DTL: variants seen among roughly 807,000 people sequenced by gnomAD.
The protein encoded by DTL is denticleless E3 ubiquitin protein ligase adapter.
In DTL, 46 loss-of-function variants were observed where a neutral mutation model predicts 87.0. That is an observed-to-expected ratio of 0.53 (90% CI 0.42 to 0.68). The LOEUF is 0.68. Ranked by LOEUF, DTL falls within the 30% of genes least tolerant of loss-of-function variation. The pLI is 0.00. For missense variants in DTL, 737 were observed against 869.4 expected (o/e 0.85, Z 1.91); for synonymous variants, 308 against 311.2 (o/e 0.99, Z 0.11).
chr1:212,081,620 T>A (rs1424038450), intron 13 of DTL, among the ~76,000 whole-genome samples: 1 of 152,224 alleles, frequency 6.6e-6, no homozygotes, highest in Non-Finnish European at 1.5e-5. Context: ...GTGATGATGG[T>A]GACTTAGACC....
chr1:212,103,585 T>A lies in DTL; in HGVS notation c.*645T>A, dbSNP rs1370068483. ...ATAAATGTCAACTCTTCGGAGAAAC[T>A]AGGAGAACAACAACAGAAAGCTGTG... On this transcript the variant is annotated 3_prime_UTR_variant, in exon 15 of 15. Coordinates refer to ENST00000366991, the MANE Select transcript of DTL (RefSeq NM_016448.4). 1 of 152,194 alleles carries A rather than the reference T, an allele frequency of 6.6e-6. No homozygotes were observed. Among genetic ancestry groups the A allele is most frequent in the Non-Finnish European group, 1.5e-5 (1 of 68,032 alleles). 9.4% of individuals were successfully genotyped at this position (152,194 alleles called of 1,614,324 possible).
chr1:212,064,439 G>A (rs1654433293), intron 6 of DTL, among the ~76,000 whole-genome samples: 1 of 152,160 alleles, frequency 6.6e-6, no homozygotes, highest in Non-Finnish European at 1.5e-5. Flanking sequence ...TGTGGATATT[G>A]ACAAATGTGT....
intron 5 of DTL, among the ~76,000 whole-genome samples, chr1:212,057,029 T>G (rs1231067766): frequency 2.0e-5 from 3 of 152,146 alleles, no homozygotes; most frequent in African/African-American, 7.2e-5. Flanking sequence ...TATATGAATT[T>G]TCAGTGTCCC....
At chr1:212,077,053 G>T (rs947993937) in intron 11 of DTL, among the ~76,000 whole-genome samples, 2 of 151,932 alleles carry the variant, frequency 1.3e-5, no homozygotes, top group South Asian at 4.1e-4. Flanking sequence ...ATAATCTGGG[G>T]GAATCTATTA....
intron 5 of DTL, among the ~76,000 whole-genome samples, chr1:212,050,708 G>T (rs553083019): frequency 1.8e-5 from 2 of 108,800 alleles, no homozygotes; most frequent in East Asian, 4.7e-4. Flanking sequence ...TCTATTGGCT[G>T]TTTCTCCTTA....
At chr1:212,099,678 C>T (rs1655556163) in intron 13 of DTL, 1 of 152,576 alleles carries the variant, frequency 6.6e-6, no homozygotes, top group South Asian at 2.1e-4. Flanking sequence ...TTCGGGAGCC[C>T]TCTCACACTT....
intron 1 of DTL, among the ~76,000 whole-genome samples, chr1:212,041,159 A>AGG (rs1237513672): frequency 6.6e-6 from 1 of 152,200 alleles, no homozygotes; most frequent in African/African-American, 2.4e-5. Flanking sequence ...AAAGTAGCTT[A>AGG]GGGTGGTTCA....
chr1:212,049,601 C>G lies in DTL; in HGVS notation c.460+2184C>G, dbSNP rs563574837. On this transcript the variant is annotated intron_variant, in intron 5 of 14. Coordinates refer to ENST00000366991, the MANE Select transcript of DTL (RefSeq NM_016448.4). ...TGATTTTCAGTAGTTCATAGGTACT[C>G]TAGTGTAAATTAGTCTGATCGGATA... Among the ~76,000 whole-genome samples the G allele has an allele frequency of 5.9e-5, 9 of 152,254 alleles. 1 individual carries two copies. The South Asian group carries it at 1.7e-3, about 28-fold the overall frequency.
chr1:212,074,653 T>TA (rs949549458), intron 11 of DTL, among the ~76,000 whole-genome samples: 1 of 152,044 alleles, frequency 6.6e-6, no homozygotes, highest in African/African-American at 2.4e-5. Context: ...TTTCCATGAT[T>TA]AAAAAAAGGA....
intron 5 of DTL, among the ~76,000 whole-genome samples, chr1:212,056,531 A>T (rs1343331651): frequency 6.6e-6 from 1 of 152,220 alleles, no homozygotes; most frequent in Non-Finnish European, 1.5e-5. Flanking sequence ...AATTGGAAAA[A>T]GCAACTGTTA....
chr1:212,082,154 G>A (rs1229507299), intron 13 of DTL, among the ~76,000 whole-genome samples: 1 of 151,966 alleles, frequency 6.6e-6, no homozygotes, highest in Non-Finnish European at 1.5e-5. Flanking sequence ...AGGAGAGAGG[G>A]ATGAACTTGA....
chr1:212,084,649 T>G (rs1655077868), intron 13 of DTL, among the ~76,000 whole-genome samples: 1 of 152,234 alleles, frequency 6.6e-6, no homozygotes, highest in Non-Finnish European at 1.5e-5. Context: ...GATATGTATG[T>G]CTAGACCTCT....
chr1:212,073,091 T>C (rs1251252519), intron 11 of DTL, among the ~76,000 whole-genome samples: 1 of 152,322 alleles, frequency 6.6e-6, no homozygotes, highest in African/African-American at 2.4e-5. Flanking sequence ...ACTTTTTTAA[T>C]AACAGTAGTT....
chr1:212,063,041 CA>C (rs1174055401), intron 6 of DTL, 92 bp downstream of exon 6: 4 of 945,060 alleles, frequency 4.2e-6, no homozygotes, highest in Admixed American at 1.9e-5. Flanking sequence ...TGATTACCAC[CA>C]GGGGGCATGT....
intron 1 of DTL, among the ~76,000 whole-genome samples, chr1:212,037,759 G>A (rs1017354873): frequency 6.6e-6 from 1 of 152,160 alleles, no homozygotes; most frequent in South Asian, 2.1e-4. Context: ...CGGTCATAGT[G>A]GTGGTGGGCT....
At chr1:212,076,923 C>A (rs1221920127) in intron 11 of DTL, among the ~76,000 whole-genome samples, 1 of 152,196 alleles carries the variant, frequency 6.6e-6, no homozygotes, top group Non-Finnish European at 1.5e-5. Context: ...ACAAGTTAGA[C>A]TCTGCTCTTT....
intron 13 of DTL, among the ~76,000 whole-genome samples, chr1:212,085,261 C>T (rs1160291153): frequency 6.6e-6 from 1 of 152,176 alleles, no homozygotes; most frequent in East Asian, 1.9e-4. Context: ...ATATCTTCAA[C>T]ACCTAAAATG....
At chr1:212,042,499 T>A (rs1222599926) in intron 1 of DTL, among the ~76,000 whole-genome samples, 1 of 152,264 alleles carries the variant, frequency 6.6e-6, no homozygotes, top group Non-Finnish European at 1.5e-5. Context: ...TCCTACAATT[T>A]CAGCACTAAA....
At chr1:212,037,985 G>C (rs1345206594) in intron 1 of DTL, among the ~76,000 whole-genome samples, 1 of 152,094 alleles carries the variant, frequency 6.6e-6, no homozygotes, top group East Asian at 1.9e-4. Flanking sequence ...TCCAGCTCAG[G>C]GCTGTGGGTG....
Sources: gnomAD v4.1 joint callset for allele counts (sites outside exome capture counted in the v4.1 genomes callset) on GRCh38, gnomAD v4.1.1 for gene constraint, MANE v1.5 for transcripts, NCBI Gene and HGNC (gene_info 2026-07-23, HGNC 2026-07-21) for gene names.